CBFA2T3: variants seen among roughly 807,000 people sequenced by gnomAD.
The protein encoded by CBFA2T3 is transcriptional corepressor CBFA2T3.
In CBFA2T3, 31 loss-of-function variants were observed where a neutral mutation model predicts 58.6. The ratio of observed to expected loss-of-function variants is 0.53; its 90% CI spans 0.40 to 0.71. CBFA2T3 has a LOEUF of 0.71. Among genes scored for constraint, CBFA2T3 ranks in the 30% least tolerant of loss-of-function variants. The probability of loss-of-function intolerance (pLI) is 0.00; values close to 1 mark genes in which losing one functional copy is unlikely to be tolerated. For missense variants in CBFA2T3, 1,076 were observed against 963.1 expected (o/e 1.12, Z -1.55); for synonymous variants, 531 against 421.9 (o/e 1.26, Z -3.17).
At chr16:88,880,134 G>A (rs749922478) in intron 10 of CBFA2T3, 1 of 156,126 alleles carries the variant, frequency 6.4e-6, no homozygotes, top group Non-Finnish European at 1.4e-5. Flanking sequence ...CAGCCTCCAG[G>A]GAGCACTGCC....
At chr16:88,960,091 T>A (rs139140455) in intron 1 of CBFA2T3, among the ~76,000 whole-genome samples, 1,877 of 152,258 alleles carry the variant, frequency 0.012, 38 homozygotes, top group African/African-American at 0.043. Context: ...AAGATGAGTC[T>A]GTTTCCCTCA....
chr16:88,909,747 G>A (rs895632600), intron 1 of CBFA2T3, among the ~76,000 whole-genome samples: 2 of 152,112 alleles, frequency 1.3e-5, no homozygotes, highest in African/African-American at 4.8e-5. Context: ...GGAGATGGAC[G>A]ACCCCGCACC....
chr16:88,884,613 T>G (rs2142549976), intron 7 of CBFA2T3: 1 of 162,890 alleles, frequency 6.1e-6, no homozygotes. Flanking sequence ...GCCCCTCTCC[T>G]GCTCTAGATA....
At chr16:88,927,667 G>C (rs550673228) in intron 1 of CBFA2T3, among the ~76,000 whole-genome samples, 1 of 152,298 alleles carries the variant, frequency 6.6e-6, no homozygotes, top group South Asian at 2.1e-4. Flanking sequence ...CTGTCACAGA[G>C]GGAGCCGGGG....
chr16:88,920,921 G>A (rs1219236151), intron 1 of CBFA2T3, among the ~76,000 whole-genome samples: 1 of 152,248 alleles, frequency 6.6e-6, no homozygotes, highest in South Asian at 2.1e-4. Context: ...CACTGGGGAG[G>A]CATCTTGGAG....
chr16:88,942,279 T>C (rs1365215622), intron 1 of CBFA2T3, among the ~76,000 whole-genome samples: 1 of 152,124 alleles, frequency 6.6e-6, no homozygotes, highest in Non-Finnish European at 1.5e-5. Flanking sequence ...CTTTTCCCTG[T>C]TTCCTGCCCC....
In CBFA2T3 at chr16:88,880,419, G is replaced by A. The variant is rs528660903; in HGVS notation, c.1471+301C>T. 4.4e-3 allele frequency among the ~76,000 whole-genome samples: 675 copies of A among 152,318 alleles called. 4 individuals carry two copies. Among genetic ancestry groups the A allele is most frequent in the African/African-American group, 0.015 (644 of 41,556 alleles). ...CGGACTCTGGCCCCGCGTGCCTGAC[G>A]CGCCCAGGCTCCGAGTGTGTGCGCT... On this transcript the variant is annotated intron_variant, in intron 10 of 11. Coordinates refer to ENST00000268679, the MANE Select transcript of CBFA2T3 (RefSeq NM_005187.6).
At position 88,877,879 on chromosome 16, in the gene CBFA2T3, G is replaced by C. The variant is rs575018926; in HGVS notation, c.1663-604C>G. ...CATATTTCTTCTTGGGGCCTGGCTGGATCTCTCACAGACGGTTGGGCTGTG... is the reference window on the plus strand; with the variant it reads ...CATATTTCTTCTTGGGGCCTGGCTGCATCTCTCACAGACGGTTGGGCTGTG... On this transcript the variant is annotated intron_variant, in intron 11 of 11. Coordinates refer to ENST00000268679, the MANE Select transcript of CBFA2T3 (RefSeq NM_005187.6). Among the ~76,000 whole-genome samples the C allele has an allele frequency of 5.3e-5, 8 of 152,362 alleles. No individual in the cohort carries two copies. The East Asian group carries it at 1.2e-3, about 22-fold the overall frequency.
intron 1 of CBFA2T3, among the ~76,000 whole-genome samples, chr16:88,936,396 G>A (rs1971501211): frequency 2.6e-5 from 4 of 152,150 alleles, no homozygotes. Flanking sequence ...CCCAGCCTCA[G>A]GGGCAGCCAA....
intron 8 of CBFA2T3, 87 bp downstream of exon 8, chr16:88,882,560 GTGGGCATGGCTGTGGGCGTGGCTGTGTGT>G: frequency 3.0e-6 from 2 of 677,558 alleles, no homozygotes; most frequent in Non-Finnish European, 5.2e-6. Context: ...GTGGCTGTGT[GTGGGCATGGCTGTGGGCGTGGCTGTGTGT>G]GCATGGCTGT....
chr16:88,906,210 G>A (rs1970327585), intron 1 of CBFA2T3, among the ~76,000 whole-genome samples: 1 of 152,148 alleles, frequency 6.6e-6, no homozygotes, highest in South Asian at 2.1e-4. Context: ...TCCTCTCCAG[G>A]CTAAGACACC....
chr16:88,907,210 G>A (rs1208405504), intron 1 of CBFA2T3, among the ~76,000 whole-genome samples: 1 of 152,216 alleles, frequency 6.6e-6, no homozygotes, highest in Non-Finnish European at 1.5e-5. Context: ...TGCCCGTGCA[G>A]AAGAAAGCAT....
Position 88,892,432 on chromosome 16 carries a change from G to C in CBFA2T3, c.433C>G (p.Pro145Ala). Residue 145 changes from proline to alanine, a missense_variant, in exon 4 of 12, where the codon CCC (proline) becomes GCC (alanine). Physicochemically the swap from Pro to Ala is conservative, Grantham distance 27. Transcript: ENST00000268679. ...PTAINGAPCT[P>A]NGFSNGPATS... ...GCCGGGCCATTGCTGAAGCCGTTGG[G>C]TGTGCACGGTGCACCATTGATGGCT... 1 of 1,613,538 alleles carries C rather than the reference G, an allele frequency of 6.2e-7. No individual in the cohort carries two copies. Among genetic ancestry groups the C allele is most frequent in the East Asian group, 2.2e-5 (1 of 44,882 alleles).
chr16:88,930,799 G>C (rs1481565660), intron 1 of CBFA2T3, among the ~76,000 whole-genome samples: 1 of 75,506 alleles, frequency 1.3e-5, no homozygotes, highest in Non-Finnish European at 2.5e-5. Context: ...GGAGGGGGCA[G>C]ACTGGGGGCT....
rs921911368 is a variant in CBFA2T3, at chr16:88,875,424, G to C, written c.*1552C>G. 6.9e-5 allele frequency: 16 copies of C among 233,402 alleles called. No homozygotes were observed. The highest frequency in any genetic ancestry group is 1.3e-4 in the Non-Finnish European group (15 of 118,196). The allele number at this position is 233,402 out of a possible 1,614,324, so 14.5% of individuals were successfully genotyped here. On this transcript the variant is annotated 3_prime_UTR_variant, in exon 12 of 12. Transcript: ENST00000268679. Reference sequence around the variant, plus strand: ...CCCAGGGCCAGAGGCGAACGCATCTGAGGGGTGGCTGGGCAGGAGCACCAG... The same window carrying C: ...CCCAGGGCCAGAGGCGAACGCATCTCAGGGGTGGCTGGGCAGGAGCACCAG...
chr16:88,940,864 G>T (rs1373671322), intron 1 of CBFA2T3, among the ~76,000 whole-genome samples: 2 of 152,190 alleles, frequency 1.3e-5, no homozygotes, highest in Admixed American at 6.5e-5. Flanking sequence ...GCCCGGATGG[G>T]TGGGCGCTGG....
intron 3 of CBFA2T3, among the ~76,000 whole-genome samples, chr16:88,894,536 T>C (rs1969801313): frequency 1.6e-5 from 2 of 127,512 alleles, no homozygotes; most frequent in South Asian, 2.5e-4. Context: ...CATATACACA[T>C]GCACACAATG....
chr16:88,973,104 G>A (rs1402505464), intron 1 of CBFA2T3, among the ~76,000 whole-genome samples: 2 of 152,192 alleles, frequency 1.3e-5, no homozygotes, highest in Non-Finnish European at 2.9e-5. Flanking sequence ...GAGACCGCCC[G>A]GCTGCTCATG....
rs1248667890 is a variant in CBFA2T3, at chr16:88,885,582, G to A, written c.894-313C>T. Among the ~76,000 whole-genome samples the A allele has an allele frequency of 6.6e-6, 1 of 152,148 alleles. No homozygotes were observed. The highest frequency in any genetic ancestry group is 1.5e-5 in the Non-Finnish European group (1 of 68,012). Reference sequence around the variant, plus strand: ...GATACACCAGGCTTCCGTAACTGGAGACCACCTGCCCCTTGGGCAGCAGCA... The same window carrying A: ...GATACACCAGGCTTCCGTAACTGGAAACCACCTGCCCCTTGGGCAGCAGCA... On this transcript the variant is annotated intron_variant, in intron 6 of 11. Coordinates refer to ENST00000268679, the MANE Select transcript of CBFA2T3 (RefSeq NM_005187.6). The surrounding 1 kb of genome is among the most constrained non-coding windows in gnomAD (Gnocchi z 5.3).
Sources: allele counts gnomAD v4.1 joint callset (sites outside exome capture counted in the v4.1 genomes callset), GRCh38; gene constraint gnomAD v4.1.1; non-coding constraint Gnocchi (gnomAD v3.1); transcripts MANE v1.5; gene names NCBI Gene and HGNC (gene_info 2026-07-23, HGNC 2026-07-21).